ZDHHC17: variants seen among roughly 807,000 people sequenced by gnomAD.
ZDHHC17 encodes the protein zDHHC palmitoyltransferase 17.
In ZDHHC17, 40 loss-of-function variants were observed where a neutral mutation model predicts 90.3. The ratio of observed to expected loss-of-function variants is 0.44; its 90% CI spans 0.34 to 0.58. The LOEUF is 0.58. ZDHHC17 is among the 20% of genes least tolerant of loss of function. The pLI is 0.01. For missense variants in ZDHHC17, 614 were observed against 780.8 expected, an observed-to-expected ratio of 0.79 and a Z score of 2.55; for synonymous variants, 235 against 252.4, an observed-to-expected ratio of 0.93 and a Z score of 0.65.
chr12:76,842,652 T>A (rs1953449502), intron 11 of ZDHHC17, among the ~76,000 whole-genome samples: 1 of 152,170 alleles, frequency 6.6e-6, no homozygotes, highest in African/African-American at 2.4e-5. Context: ...CAGGACAAAT[T>A]TTGATAAGTT....
chr12:76,764,295 C>A lies in ZDHHC17; in HGVS notation c.59C>A (p.Thr20Asn). 1 of 1,606,168 alleles carries A rather than the reference C, an allele frequency of 6.2e-7. No individual in the cohort carries two copies. The highest frequency in any genetic ancestry group is 1.1e-5 in the South Asian group (1 of 89,272). ...KMADGPDEYD[T>N]EAGCVPLLHP... ...GCGGACGGCCCGGATGAGTACGATA[C>A]CGAAGCGGGCTGTGTGCCCCTTCTC... Residue 20 changes from threonine to asparagine, a missense_variant, in exon 1 of 17, where the codon ACC becomes AAC. Coordinates refer to ENST00000426126, the MANE Select transcript of ZDHHC17 (RefSeq NM_015336.4).
intron 10 of ZDHHC17, among the ~76,000 whole-genome samples, chr12:76,832,782 C>T (rs1347180683): frequency 6.6e-6 from 1 of 152,196 alleles, no homozygotes; most frequent in African/African-American, 2.4e-5. Context: ...AAAAGCACAA[C>T]AGCGTGGCCC....
intron 10 of ZDHHC17, 74 bp from the exon 11 acceptor site, chr12:76,841,908 T>G (rs1953440092): frequency 1.7e-6 from 2 of 1,180,644 alleles, no homozygotes; most frequent in East Asian, 6.3e-5. Context: ...TTTGTAAAAT[T>G]TTATAGATTA....
At chr12:76,808,926 A>G in intron 3 of ZDHHC17, 117 bp from the exon 4 acceptor site, 1 of 533,300 alleles carries the variant, frequency 1.9e-6, no homozygotes, top group East Asian at 3.7e-5. Flanking sequence ...ATTTATTTTC[A>G]AAGGTTCAAA....
At chr12:76,846,469 A>G in intron 13 of ZDHHC17, 127 bp from the exon 14 acceptor site, 1 of 642,146 alleles carries the variant, frequency 1.6e-6, no homozygotes, top group South Asian at 2.4e-5. Flanking sequence ...ACCACTTTAT[A>G]AAATAATGAA....
intron 10 of ZDHHC17, among the ~76,000 whole-genome samples, chr12:76,835,111 C>T (rs1348000317): frequency 2.7e-5 from 4 of 149,798 alleles, no homozygotes; most frequent in African/African-American, 9.9e-5. Context: ...AGTGCATTGG[C>T]GCAATCTCAA....
At chr12:76,789,294 G>C (rs535311500) in intron 1 of ZDHHC17, among the ~76,000 whole-genome samples, 29 of 152,232 alleles carry the variant, frequency 1.9e-4, no homozygotes, top group African/African-American at 6.5e-4. Context: ...TATTATTTGT[G>C]CTAGGCTCTG....
intron 2 of ZDHHC17, among the ~76,000 whole-genome samples, chr12:76,804,279 TA>T (rs1194565617): frequency 6.6e-6 from 1 of 152,176 alleles, no homozygotes; most frequent in African/African-American, 2.4e-5. Flanking sequence ...AGACAGCTAT[TA>T]ATAAACAAAT....
Position 76,851,975 on chromosome 12 carries a change from A to C in ZDHHC17, c.*990A>C, listed in dbSNP as rs1953572712. The C allele has an allele frequency of 6.6e-6, 1 of 152,630 alleles. No homozygotes were observed. 9.5% of individuals were successfully genotyped at this position (152,630 alleles called of 1,614,324 possible). On this transcript the variant is annotated 3_prime_UTR_variant, in exon 17 of 17. Transcript: ENST00000426126. ...TAAAGATGGAGCATGATCTAAGTAC[A>C]TAGCACATGTGAATAAAAGAAAAGC... is the stretch of plus-strand genomic sequence containing the variant.
rs1246866865 is a variant in ZDHHC17, at chr12:76,842,126, G to GT, written c.1266+21dup. On this transcript the variant is annotated intron_variant, in intron 11 of 16. Transcript: ENST00000426126. ...AAAAAGGTAGCAAAATACCAACTAA[G>GT]TCACTTGTATTTAACTGCCAGATTA... 3.2e-6 allele frequency: 5 copies of GT among 1,539,626 alleles called. No individual in the cohort carries two copies. Among genetic ancestry groups the GT allele is most frequent in the Non-Finnish European group, 4.4e-6 (5 of 1,145,794 alleles).
intron 10 of ZDHHC17, among the ~76,000 whole-genome samples, chr12:76,833,109 CTGTT>C (rs1290479145): frequency 8.5e-5 from 13 of 152,072 alleles, no homozygotes; most frequent in South Asian, 2.1e-4. Flanking sequence ...TTGATGTAAA[CTGTT>C]TGTTCTAGTA....
intron 1 of ZDHHC17, among the ~76,000 whole-genome samples, chr12:76,765,053 C>G (rs1476525960): frequency 6.6e-6 from 1 of 152,208 alleles, no homozygotes; most frequent in Non-Finnish European, 1.5e-5. Flanking sequence ...TCAGTCTGTG[C>G]TTGTTTACCT....
intron 7 of ZDHHC17, among the ~76,000 whole-genome samples, chr12:76,817,426 GA>G (rs1164140394): frequency 6.7e-6 from 1 of 149,768 alleles, no homozygotes; most frequent in African/African-American, 2.5e-5. Context: ...TAGTATTATT[GA>G]AAAAACAGGA....
intron 1 of ZDHHC17, among the ~76,000 whole-genome samples, chr12:76,790,681 T>C (rs981614645): frequency 6.6e-6 from 1 of 152,206 alleles, no homozygotes; most frequent in Admixed American, 6.5e-5. Context: ...CCAAATGTTT[T>C]CCTAAATCAG....
Position 76,774,945 on chromosome 12 carries a change from A to T in ZDHHC17, c.93+10616A>T, listed in dbSNP as rs535485992. 2.0e-5 allele frequency among the ~76,000 whole-genome samples: 3 copies of T among 152,228 alleles called. No homozygotes were observed. The East Asian group carries it at 5.8e-4, about 29-fold the overall frequency. ...TTTTCTGTTTCTTTTTTGAGACAGG[A>T]TCTTACTGTAGCTGGGACTGCAAGT... is the stretch of plus-strand genomic sequence containing the variant. On this transcript the variant is annotated intron_variant, in intron 1 of 16. Coordinates refer to ENST00000426126, the MANE Select transcript of ZDHHC17 (RefSeq NM_015336.4).
chr12:76,826,771 T>C, intron 8 of ZDHHC17, 137 bp from the exon 9 acceptor site: 3 of 777,998 alleles, frequency 3.9e-6, no homozygotes, highest in Non-Finnish European at 5.7e-6. Context: ...GCACCTTGAA[T>C]AGTACTGATA....
chr12:76,791,161 A>G (rs1952755462), intron 1 of ZDHHC17, among the ~76,000 whole-genome samples: 1 of 152,228 alleles, frequency 6.6e-6, no homozygotes, highest in South Asian at 2.1e-4. Flanking sequence ...TGTCTTGAGT[A>G]TAGTGCCATC....
At chr12:76,775,553 G>A (rs530650643) in intron 1 of ZDHHC17, among the ~76,000 whole-genome samples, 28 of 152,264 alleles carry the variant, frequency 1.8e-4, no homozygotes, top group African/African-American at 6.7e-4. Flanking sequence ...TTCAATTAGT[G>A]TAAATAATCC....
chr12:76,813,093 T>C (rs1045447899), intron 5 of ZDHHC17, among the ~76,000 whole-genome samples: 1 of 152,102 alleles, frequency 6.6e-6, no homozygotes, highest in African/African-American at 2.4e-5. Context: ...TATTTATTGA[T>C]ATTTTTAATA....
Sources: gnomAD v4.1 joint callset for allele counts (sites outside exome capture counted in the v4.1 genomes callset) on GRCh38, gnomAD v4.1.1 for gene constraint, MANE v1.5 for transcripts, NCBI Gene and HGNC (gene_info 2026-07-23, HGNC 2026-07-21) for gene names.